The following CDH6 variants were observed in gnomAD, a reference collection of about 807,000 sequenced individuals.
CDH6 encodes cadherin 6.
CDH6 carries 31 observed loss-of-function variants against 78.0 expected under a neutral mutation model. The ratio of observed to expected loss-of-function variants is 0.40; its 90% CI spans 0.30 to 0.54. The LOEUF (loss-of-function observed/expected upper bound fraction) is 0.54, where lower values mean the gene tolerates loss of function less well. CDH6 is among the 20% of genes least tolerant of loss of function. The pLI is 0.56. For synonymous variants in CDH6, 376 were observed against 368.8 expected, an observed-to-expected ratio of 1.02 and a Z score of -0.23; for missense variants, 724 against 975.9, an observed-to-expected ratio of 0.74 and a Z score of 3.44.
chr5:31,313,532 G>T (rs1333049173), intron 8 of CDH6, 78 bp downstream of exon 8: 4 of 1,364,996 alleles, frequency 2.9e-6, no homozygotes, highest in Admixed American at 3.7e-5. Context: ...AGCGTAGCTT[G>T]TCACCATGTA....
chr5:31,317,645 C>A, intron 10 of CDH6, 28 bp from the exon 11 acceptor site: 1 of 1,598,664 alleles, frequency 6.3e-7, no homozygotes, highest in Non-Finnish European at 8.5e-7. Context: ...TATCCACATA[C>A]ATTCACCACT....
At chr5:31,278,819 C>T (rs1742774943) in intron 2 of CDH6, among the ~76,000 whole-genome samples, 1 of 152,082 alleles carries the variant, frequency 6.6e-6, no homozygotes, top group African/African-American at 2.4e-5. Flanking sequence ...CATCTTAATG[C>T]TTTCTACTAC....
At chr5:31,258,307 A>G (rs755470693) in intron 1 of CDH6, among the ~76,000 whole-genome samples, 2 of 152,230 alleles carry the variant, frequency 1.3e-5, no homozygotes, top group Non-Finnish European at 2.9e-5. Context: ...CTATGCAGCC[A>G]TAAAAAAGGA....
chr5:31,254,988 C>A (rs375530374), intron 1 of CDH6, among the ~76,000 whole-genome samples: 3 of 152,186 alleles, frequency 2.0e-5, no homozygotes, highest in African/African-American at 7.2e-5. Flanking sequence ...CAAAATATTT[C>A]TCTTTCTACA....
intron 8 of CDH6, among the ~76,000 whole-genome samples, chr5:31,314,154 T>A (rs146377928): frequency 0.023 from 3,513 of 152,270 alleles, 50 homozygotes; most frequent in Middle Eastern, 0.061. Flanking sequence ...GATCTTTTTT[T>A]AATTTTTTTA....
At chr5:31,226,784 T>C (rs1346658954) in intron 1 of CDH6, among the ~76,000 whole-genome samples, 1 of 152,176 alleles carries the variant, frequency 6.6e-6, no homozygotes, top group Non-Finnish European at 1.5e-5. Context: ...TTTCAGAAAC[T>C]GTTTGGGACT....
chr5:31,297,355 T>C lies in CDH6; in HGVS notation c.590T>C (p.Val197Ala), dbSNP rs1422028155. The C allele has an allele frequency of 1.2e-6, 2 of 1,610,664 alleles. No homozygotes were observed. The highest frequency in any genetic ancestry group is 1.3e-5 in the African/African-American group (1 of 74,962). The change falls in exon 4 of 12, where the codon GTT becomes GCT. Residue 197 changes from valine to alanine, a missense_variant. Around this residue, in one of 3 missense-constraint regions of CDH6, gnomAD observed 446 missense variants for 684.5 expected, o/e 0.65. Transcript: ENST00000265071. ...DDPTYGNSAK[V>A]VYSILQGQPY... ...CCAACATATGGGAACAGTGCTAAAG[T>C]TGTCTACAGTATTCTACAGGGACAG... is the stretch of plus-strand genomic sequence containing the variant.
At chr5:31,231,669 C>T (rs1420471713) in intron 1 of CDH6, among the ~76,000 whole-genome samples, 1 of 152,156 alleles carries the variant, frequency 6.6e-6, no homozygotes, top group Non-Finnish European at 1.5e-5. Flanking sequence ...TCTTATAAAG[C>T]CTCCAGCTTT....
intron 2 of CDH6, among the ~76,000 whole-genome samples, chr5:31,280,241 C>T (rs1450832886): frequency 1.3e-5 from 2 of 152,160 alleles, no homozygotes. Flanking sequence ...AGCAGAGTTT[C>T]ATGGCAGAAA....
chr5:31,316,373 A>G, intron 9 of CDH6, 44 bp downstream of exon 9: 2 of 1,540,810 alleles, frequency 1.3e-6, no homozygotes, highest in South Asian at 2.3e-5. Flanking sequence ...CATCAGATTA[A>G]TTTAGATCTT....
intron 2 of CDH6, among the ~76,000 whole-genome samples, chr5:31,279,238 T>A (rs548463151): frequency 9.5e-4 from 145 of 152,288 alleles, no homozygotes; most frequent in Middle Eastern, 3.4e-3. Context: ...TTATATACTG[T>A]ACTCTTAAAG....
At position 31,215,452 on chromosome 5, in the gene CDH6, C is replaced by T. The variant is rs546769196; in HGVS notation, c.-129+21566C>T. On this transcript the variant is annotated intron_variant, in intron 1 of 11. Coordinates refer to ENST00000265071, the MANE Select transcript of CDH6 (RefSeq NM_004932.4). The stretch of plus-strand genomic sequence containing the variant: ...AATTGCTGACTGGAGCAAATCAATG[C>T]TTTGAAGATGTAACCTAATAAAAAA... Among the ~76,000 whole-genome samples the T allele has an allele frequency of 2.6e-5, 4 of 152,224 alleles. No homozygotes were observed. In the South Asian group the frequency reaches 8.3e-4, roughly 32 times the overall value.
Position 31,322,888 on chromosome 5 carries a change from C to T in CDH6, c.1953C>T (p.Asp651=). 6.2e-7 allele frequency: 1 copy of T among 1,614,056 alleles called. No individual in the cohort carries two copies. The change falls in exon 12 of 12, where the codon GAC becomes GAT. Residue 651 remains aspartate, a synonymous_variant. Transcript: ENST00000265071. The stretch of plus-strand genomic sequence containing the variant: ...AGCCTTTGATCATTTCCAAAGAGGA[C>T]ATCAGAGATAACATTGTCAGTTACA... The part of the protein sequence containing the change: ...KKEPLIISKE[D]IRDNIVSYND...
At chr5:31,213,810 C>G (rs1009054880) in intron 1 of CDH6, among the ~76,000 whole-genome samples, 5 of 152,122 alleles carry the variant, frequency 3.3e-5, no homozygotes, top group Non-Finnish European at 5.9e-5. Flanking sequence ...CAATTACCTC[C>G]TTCAGAAACC....
At chr5:31,270,101 A>G (rs973346783) in intron 2 of CDH6, among the ~76,000 whole-genome samples, 1 of 152,178 alleles carries the variant, frequency 6.6e-6, no homozygotes, top group African/African-American at 2.4e-5. Context: ...TAAAGGAGAG[A>G]GTTGCCCCTC....
chr5:31,249,435 C>T (rs1579850400), intron 1 of CDH6: 1 of 152,274 alleles, frequency 6.6e-6, no homozygotes, highest in East Asian at 1.9e-4. Context: ...TGAAATGAAA[C>T]ACGTTCATGG....
intron 2 of CDH6, among the ~76,000 whole-genome samples, chr5:31,292,847 GTGTGCATATATATATATATATATA>G (rs1737442703): frequency 1.9e-3 from 4 of 2,142 alleles, no homozygotes; most frequent in Non-Finnish European, 3.9e-3. Flanking sequence ...ATATATATAT[GTGTGCATATATATATATATATATA>G]TATGTATGTG....
At chr5:31,274,684 G>A (rs551055425) in intron 2 of CDH6, among the ~76,000 whole-genome samples, 38 of 152,330 alleles carry the variant, frequency 2.5e-4, no homozygotes, top group African/African-American at 7.2e-4. Flanking sequence ...GACGGGCGTG[G>A]TAGCGCATGC....
chr5:31,259,030 G>A (rs1468162841), intron 1 of CDH6, among the ~76,000 whole-genome samples: 2 of 152,206 alleles, frequency 1.3e-5, no homozygotes, highest in Non-Finnish European at 2.9e-5. Flanking sequence ...TCAGAAGAAT[G>A]TTATCCACCT....
Sources: gnomAD v4.1 joint callset for allele counts (sites outside exome capture counted in the v4.1 genomes callset) on GRCh38, gnomAD v4.1.1 for gene constraint, gnomAD v4.1.1 regional missense constraint, MANE v1.5 for transcripts, NCBI Gene and HGNC (gene_info 2026-07-23, HGNC 2026-07-21) for gene names.